Variants in SLC2A6 observed in about 807,000 individuals in gnomAD.
SLC2A6 encodes the protein solute carrier family 2 member 6.
In SLC2A6, 39 loss-of-function variants were observed where a neutral mutation model predicts 47.8. The ratio of observed to expected loss-of-function variants is 0.82; its 90% CI spans 0.63 to 1.07. SLC2A6 has a LOEUF of 1.07. SLC2A6 is among the 50% of genes least tolerant of loss of function. The pLI is 0.00. For synonymous variants in SLC2A6, 346 were observed against 324.1 expected, an observed-to-expected ratio of 1.07 and a Z score of -0.73; for missense variants, 650 against 707.6, an observed-to-expected ratio of 0.92 and a Z score of 0.92.
In SLC2A6 at chr9:133,472,160, T is replaced by C. The variant is rs781839519; in HGVS notation, c.1385A>G (p.Gln462Arg). 8.7e-6 allele frequency: 14 copies of C among 1,613,026 alleles called. No individual in the cohort carries two copies. Among genetic ancestry groups the C allele is most frequent in the Non-Finnish European group, 8.5e-7 (1 of 1,179,908 alleles). Residue 462 changes from glutamine to arginine, a missense_variant, in exon 10 of 10, where the codon CAG becomes CGG. Physicochemically the swap from Gln to Arg is conservative, Grantham distance 43 (BLOSUM62 1). Transcript: ENST00000371899. Reference sequence around the variant, plus strand: ...GGCCGCGAAGAAGAAGAAAGGCACCTGGAGGCCGAAGGTGCTCTGCGGGTG... The same window carrying C: ...GGCCGCGAAGAAGAAGAAAGGCACCCGGAGGCCGAAGGTGCTCTGCGGGTG... ...FLPVVSTFGL[Q>R]VPFFFFAAIC...
At position 133,475,446 on chromosome 9, in the gene SLC2A6, T is replaced by C. The variant is rs925940070; in HGVS notation, c.728A>G (p.Asp243Gly). 37 of 1,611,272 alleles carry C rather than the reference T, an allele frequency of 2.3e-5. No individual in the cohort carries two copies. Among genetic ancestry groups the C allele is most frequent in the Non-Finnish European group, 3.1e-5 (36 of 1,179,480 alleles). ...GATCTGCTCGAACTCCCAGTGGACATCGACGTCCGTCCCACGCAGCCAGGC... is the reference window on the plus strand; with the variant it reads ...GATCTGCTCGAACTCCCAGTGGACACCGACGTCCGTCCCACGCAGCCAGGC... ...ALAWLRGTDV[D>G]VHWEFEQIQD... Residue 243 changes from aspartate to glycine, a missense_variant, in exon 5 of 10, where the codon GAT becomes GGT. Coordinates refer to ENST00000371899, the MANE Select transcript of SLC2A6 (RefSeq NM_017585.4).
intron 5 of SLC2A6, 135 bp from the exon 6 acceptor site, chr9:133,475,248 C>T (rs782749328): frequency 2.9e-5 from 40 of 1,380,018 alleles, no homozygotes; most frequent in Non-Finnish European, 3.6e-5. Flanking sequence ...ACCAGGCCAC[C>T]CAGGCTCTGG....
intron 6 of SLC2A6, 103 bp downstream of exon 6, chr9:133,474,858 A>G (rs1206192771): frequency 1.6e-6 from 2 of 1,226,698 alleles, no homozygotes; most frequent in South Asian, 1.7e-5. Context: ...AGGTGTGGGT[A>G]AGACCAGGGG....
Position 133,479,048 on chromosome 9 carries a change from C to G in SLC2A6, c.12G>C (p.Pro4=). 6.3e-7 allele frequency: 1 copy of G among 1,597,348 alleles called. No individual in the cohort carries two copies. Among genetic ancestry groups the G allele is most frequent in the Non-Finnish European group, 8.5e-7 (1 of 1,175,350 alleles). Residue 4 remains proline, a synonymous_variant, in exon 1 of 10, where the codon CCG becomes CCC. Coordinates refer to ENST00000371899, the MANE Select transcript of SLC2A6 (RefSeq NM_017585.4). ...AGTCCGGGCCCTCGGCTCCCAGCAG[C>G]GGCTCCTGCATGGCCGGGTCTCTCT... MQE[P]LLGAEGPDYD...
intron 2 of SLC2A6, among the ~76,000 whole-genome samples, chr9:133,477,860 T>C (rs1844018771): frequency 6.6e-6 from 1 of 152,232 alleles, no homozygotes; most frequent in Non-Finnish European, 1.5e-5. Context: ...TCTGGGACTC[T>C]GGGATCTTCC....
chr9:133,475,350 TG>T, intron 5 of SLC2A6, 49 bp downstream of exon 5: 1 of 1,523,004 alleles, frequency 6.6e-7, no homozygotes, highest in Non-Finnish European at 8.8e-7. Context: ...CACACACAGC[TG>T]AAGTGCTGGA....
rs1843714819 is a variant in SLC2A6 at position 133,471,593 on chromosome 9, TC to T, written c.*427del. On this transcript the variant is annotated 3_prime_UTR_variant, in exon 10 of 10. Transcript: ENST00000371899. ...GACTTGTGAGGGCAAAGCCGGGTCT[TC>T]CTTGCACAGCCAGATGCCACCAGAT... 6.3e-6 allele frequency: 1 copy of T among 159,644 alleles called. No individual in the cohort carries two copies. Among genetic ancestry groups the T allele is most frequent in the African/African-American group, 2.4e-5 (1 of 41,688 alleles). The allele number at this position is 159,644 out of a possible 1,614,324, so 9.9% of individuals were successfully genotyped here.
rs1554803024 is a variant in SLC2A6, at chr9:133,475,393, C to T, written c.774+7G>A. 4 of 1,592,446 alleles carry T rather than the reference C, an allele frequency of 2.5e-6. No individual in the cohort carries two copies. The Admixed American group carries it at 6.8e-5, about 27-fold the overall frequency. The stretch of plus-strand genomic sequence containing the variant: ...CCTGCCCGGTTCGGGCGCACACCCT[C>T]CTGCACCTGTCTCCGGACGTTGTCC... On this transcript the variant is annotated splice_region_variant and intron_variant, in intron 5 of 9. Transcript: ENST00000371899.
In SLC2A6 at chr9:133,478,243, A is replaced by G; in HGVS notation, c.255+11T>C. ...TCCTGCACCCACCCTCCTCCAGAGG[A>G]TGGTCCTTACCCCAAACCAGGATGC... On this transcript the variant is annotated intron_variant, in intron 2 of 9. Transcript: ENST00000371899. 3 of 1,613,646 alleles carry G rather than the reference A, an allele frequency of 1.9e-6. No individual in the cohort carries two copies. The highest frequency in any genetic ancestry group is 2.2e-5 in the South Asian group (2 of 91,068).
At chr9:133,476,441 G>C in intron 3 of SLC2A6, 105 bp from the exon 4 acceptor site, 3 of 965,946 alleles carry the variant, frequency 3.1e-6, no homozygotes, top group Non-Finnish European at 4.9e-6. Flanking sequence ...GTGGGAAGTG[G>C]AGGCTTTCTG....
intron 7 of SLC2A6, 130 bp from the exon 8 acceptor site, chr9:133,473,730 G>T: frequency 1.0e-6 from 1 of 995,216 alleles, no homozygotes; most frequent in Non-Finnish European, 1.4e-6. Flanking sequence ...ACCCCCAGCA[G>T]GGCAGCAAGC....
intron 7 of SLC2A6, 182 bp downstream of exon 7, chr9:133,473,798 C>G: frequency 1.3e-6 from 1 of 744,702 alleles, no homozygotes; most frequent in Middle Eastern, 4.0e-4. Flanking sequence ...AGTGTGTCCA[C>G]TCGGAGCCCC....
chr9:133,473,099 A>T lies in SLC2A6; in HGVS notation c.1368+6T>A, dbSNP rs1843792668. On this transcript the variant is annotated splice_donor_region_variant and intron_variant, in intron 9 of 9. Transcript: ENST00000371899. ...AGGGGCCTGGGGCCTGGGGCTGAAC[A>T]CTCACCACCACTGGCAGGAAGGACT... The T allele has an allele frequency of 6.2e-7, 1 of 1,606,244 alleles. No homozygotes were observed. Among genetic ancestry groups the T allele is most frequent in the East Asian group, 2.2e-5 (1 of 44,694 alleles).
At position 133,479,086 on chromosome 9, in the gene SLC2A6, A is replaced by G; in HGVS notation, c.-27T>C. ...GCCGGGTCTCTCTCGGGGCGAGCGGAGGGCGCTCAGACTGGAGCAGCCGCC... is the reference window on the plus strand; with the variant it reads ...GCCGGGTCTCTCTCGGGGCGAGCGGGGGGCGCTCAGACTGGAGCAGCCGCC... On this transcript the variant is annotated 5_prime_UTR_variant, in exon 1 of 10. Transcript: ENST00000371899. The G allele has an allele frequency of 6.4e-7, 1 of 1,561,222 alleles. No individual in the cohort carries two copies. Among genetic ancestry groups the G allele is most frequent in the Non-Finnish European group, 8.6e-7 (1 of 1,158,916 alleles).
intron 3 of SLC2A6, 169 bp from the exon 4 acceptor site, chr9:133,476,505 ATCTC>A: frequency 1.6e-6 from 1 of 626,786 alleles, no homozygotes; most frequent in Non-Finnish European, 2.9e-6. Context: ...GGCCTGCCTG[ATCTC>A]TCTCTGTCCT....
Position 133,475,386 on chromosome 9 carries a change from A to G in SLC2A6, c.774+14T>C, listed in dbSNP as rs1554803017. ...AGGTGGGCCTGCCCGGTTCGGGCGC[A>G]CACCCTCCTGCACCTGTCTCCGGAC... On this transcript the variant is annotated intron_variant, in intron 5 of 9. Coordinates refer to ENST00000371899, the MANE Select transcript of SLC2A6 (RefSeq NM_017585.4). 3.2e-6 allele frequency: 5 copies of G among 1,576,488 alleles called. No individual in the cohort carries two copies. Among genetic ancestry groups the G allele is most frequent in the Non-Finnish European group, 4.3e-6 (5 of 1,158,676 alleles).
Position 133,474,979 on chromosome 9 carries a change from G to A in SLC2A6, c.909C>T (p.Asp303=). The change falls in exon 6 of 10, where the codon GAC becomes GAT. Residue 303 remains aspartate (D), a synonymous_variant. Transcript: ENST00000371899. The stretch of plus-strand genomic sequence containing the variant: ...CTCTCACCAGCAGGACAGCGGTGCT[G>A]TCGAAGATGGACTGCAGGTAGACCA... The part of the protein sequence containing the change: ...PILVYLQSIF[D]STAVLLPPKD... 1.9e-6 allele frequency: 3 copies of A among 1,580,710 alleles called. No homozygotes were observed. The highest frequency in any genetic ancestry group is 2.6e-6 in the Non-Finnish European group (3 of 1,164,338).
Position 133,478,248 on chromosome 9 carries a change from C to T in SLC2A6, c.255+6G>A, listed in dbSNP as rs782647557. 6.2e-7 allele frequency: 1 copy of T among 1,613,842 alleles called. No homozygotes were observed. The highest frequency in any genetic ancestry group is 1.1e-5 in the South Asian group (1 of 91,076). ...CACCCACCCTCCTCCAGAGGATGGT[C>T]CTTACCCCAAACCAGGATGCCTGGG... On this transcript the variant is annotated splice_donor_region_variant and intron_variant, in intron 2 of 9. Transcript: ENST00000371899.
Position 133,475,379 on chromosome 9 carries a change from CG to C in SLC2A6, c.774+20del. Reference sequence around the variant, plus strand: ...GTGCTGGAGGTGGGCCTGCCCGGTTCGGGCGCACACCCTCCTGCACCTGTCT... The same window carrying C: ...GTGCTGGAGGTGGGCCTGCCCGGTTCGGCGCACACCCTCCTGCACCTGTCT... On this transcript the variant is annotated intron_variant, in intron 5 of 9. Coordinates refer to ENST00000371899, the MANE Select transcript of SLC2A6 (RefSeq NM_017585.4). 1 of 1,565,224 alleles carries C rather than the reference CG, an allele frequency of 6.4e-7. No individual in the cohort carries two copies.
Sources: gnomAD v4.1 joint callset for allele counts (sites outside exome capture counted in the v4.1 genomes callset) on GRCh38, gnomAD v4.1.1 for gene constraint, MANE v1.5 for transcripts, NCBI Gene and HGNC (gene_info 2026-07-23, HGNC 2026-07-21) for gene names.